The following TMEM62 variants were observed in gnomAD, a reference collection of about 807,000 sequenced individuals.
The protein encoded by TMEM62 is transmembrane protein 62.
In TMEM62, 41 loss-of-function variants were observed where a neutral mutation model predicts 70.4. That is an observed-to-expected ratio of 0.58 (90% CI 0.45 to 0.76). The LOEUF is 0.76. Ranked by LOEUF, TMEM62 falls within the 30% of genes least tolerant of loss-of-function variation. The pLI is 0.00. For synonymous variants in TMEM62, 268 were observed against 291.0 expected (o/e 0.92, Z 0.80); for missense variants, 688 against 788.5 (o/e 0.87, Z 1.53).
intron 8 of TMEM62, among the ~76,000 whole-genome samples, chr15:43,152,295 A>C (rs1200785248): frequency 1.3e-5 from 2 of 152,152 alleles, no homozygotes; most frequent in African/African-American, 2.4e-5. Flanking sequence ...TTATATATCA[A>C]ATTTTTTTTC....
intron 3 of TMEM62, chr15:43,135,907 C>G (rs2035168509): frequency 1.0e-5 from 3 of 297,670 alleles, no homozygotes; most frequent in Middle Eastern, 1.0e-3. Context: ...ACTTTAAGTT[C>G]TGGGATACAT....
chr15:43,177,001 T>C (rs1325778367), intron 11 of TMEM62, among the ~76,000 whole-genome samples: 2 of 152,030 alleles, frequency 1.3e-5, no homozygotes, highest in Non-Finnish European at 1.5e-5. Flanking sequence ...AAGGAGCTGA[T>C]GGAGCTGAAA....
At chr15:43,168,517 G>T (rs2039839937) in intron 10 of TMEM62, among the ~76,000 whole-genome samples, 1 of 152,212 alleles carries the variant, frequency 6.6e-6, no homozygotes, top group African/African-American at 2.4e-5. Flanking sequence ...TGCCATCCAG[G>T]AGTGAGGGCC....
At chr15:43,135,489 T>A (rs2035084638) in intron 2 of TMEM62, 23 bp from the exon 3 acceptor site, 1 of 1,571,392 alleles carries the variant, frequency 6.4e-7, no homozygotes. Flanking sequence ...GCATTGTGAT[T>A]CAATTCTTGT....
At position 43,148,845 on chromosome 15, in the gene TMEM62, CT is replaced by C; in HGVS notation, c.712del (p.Ser238LeufsTer9). On this transcript the variant is annotated frameshift_variant, in exon 6 of 14. Transcript: ENST00000260403. LOFTEE classifies it high-confidence loss of function. ...TGGACACTTTACAACATCCACTATTCTTTCTCCATCACCAGGAATCCGGTCA... is the reference window on the plus strand; with the variant it reads ...TGGACACTTTACAACATCCACTATTCTTCTCCATCACCAGGAATCCGGTCA... ...WFGHFTTSTILSPSPGIRSIM... is the reference protein window; with the variant it reads ...WFGHFTTSTIXSPSPGIRSIM... 1 of 1,613,950 alleles carries C rather than the reference CT, an allele frequency of 6.2e-7. No homozygotes were observed. Among genetic ancestry groups the C allele is most frequent in the Non-Finnish European group, 8.5e-7 (1 of 1,179,980 alleles).
intron 13 of TMEM62, among the ~76,000 whole-genome samples, chr15:43,182,136 C>A (rs2041390911): frequency 6.6e-6 from 1 of 152,146 alleles, no homozygotes; most frequent in Non-Finnish European, 1.5e-5. Flanking sequence ...AAAATAAACA[C>A]ACAAAGAACC....
At chr15:43,165,681 C>T (rs898637251) in intron 10 of TMEM62, among the ~76,000 whole-genome samples, 2 of 150,852 alleles carry the variant, frequency 1.3e-5, no homozygotes, top group Admixed American at 6.6e-5. Flanking sequence ...TGTAGTGAGC[C>T]AAGATTGCGC....
At chr15:43,133,464 C>T (rs2141407850), upstream of TMEM62, 1 of 236,790 alleles carries the variant, frequency 4.2e-6, no homozygotes, top group South Asian at 1.7e-4. Flanking sequence ...GGACTCTAGC[C>T]CCCGCCTCCC....
At chr15:43,177,628 T>A (rs1181897779) in intron 11 of TMEM62, among the ~76,000 whole-genome samples, 1 of 152,024 alleles carries the variant, frequency 6.6e-6, no homozygotes, top group African/African-American at 2.4e-5. Flanking sequence ...TAGACTGGAT[T>A]AAGAAAATGT....
upstream of TMEM62, chr15:43,133,149 C>G (rs1474084963): frequency 1.3e-5 from 2 of 152,130 alleles, no homozygotes; most frequent in African/African-American, 4.8e-5. Context: ...CTGCAGTGAG[C>G]CATGATCGCG....
rs1462534135 is a variant in TMEM62 at position 43,178,657 on chromosome 15, A to G, written c.1432A>G (p.Lys478Glu). 6 of 1,613,334 alleles carry G rather than the reference A, an allele frequency of 3.7e-6. No individual in the cohort carries two copies. The highest frequency in any genetic ancestry group is 5.1e-6 in the Non-Finnish European group (6 of 1,179,478). Residue 478 changes from lysine to glutamate, a missense_variant, in exon 12 of 14, where the codon AAA (lysine) becomes GAA (glutamate). Coordinates refer to ENST00000260403, the MANE Select transcript of TMEM62 (RefSeq NM_024956.4). ...CTCATTTTCTCTTCATGTCTTGAGC[A>G]AAATAAACATCTTCTACTATTCTGT... ...LTSFSLHVLS[K>E]INIFYYSVLL...
intron 11 of TMEM62, 79 bp from the exon 12 acceptor site, chr15:43,178,528 T>G: frequency 1.1e-6 from 1 of 877,850 alleles, no homozygotes; most frequent in Non-Finnish European, 1.8e-6. Context: ...AGATAGCCCA[T>G]GAAAATCTTC....
At chr15:43,166,819 T>C (rs1596314411) in intron 10 of TMEM62, among the ~76,000 whole-genome samples, 1 of 152,202 alleles carries the variant, frequency 6.6e-6, no homozygotes, top group Non-Finnish European at 1.5e-5. Context: ...CCTGAGTGGA[T>C]ACACCACATG....
intron 5 of TMEM62, among the ~76,000 whole-genome samples, chr15:43,147,175 G>A (rs1017574365): frequency 2.6e-5 from 4 of 152,050 alleles, no homozygotes; most frequent in Admixed American, 2.0e-4. Flanking sequence ...TGTTGGCCAG[G>A]GTGGTCTCGA....
At chr15:43,141,686 G>T (rs778888351) in intron 4 of TMEM62, among the ~76,000 whole-genome samples, 10 of 152,214 alleles carry the variant, frequency 6.6e-5, no homozygotes, top group Non-Finnish European at 1.3e-4. Flanking sequence ...TCCTCTGATG[G>T]ATGTGGGCAG....
rs1305203437 is a variant in TMEM62 at position 43,151,684 on chromosome 15, G to A, written c.867-106G>A. On this transcript the variant is annotated intron_variant, in intron 7 of 13. Transcript: ENST00000260403. ...CTTAATCTGTATTCAAATTAATCAT[G>A]TAAAAAAGTCCTAGTTATGTATTTT... The A allele has an allele frequency of 3.2e-6, 3 of 949,972 alleles. No individual in the cohort carries two copies. The African/African-American group carries it at 5.0e-5, about 16-fold the overall frequency. 58.8% of individuals were successfully genotyped at this position (949,972 alleles called of 1,614,324 possible). A position where few individuals can be genotyped will look rare whatever the true frequency, so the allele number is the denominator to read the frequency against.
chr15:43,135,456 T>A (rs1427640222), intron 2 of TMEM62, 56 bp from the exon 3 acceptor site: 14 of 1,526,386 alleles, frequency 9.2e-6, no homozygotes, highest in Admixed American at 2.5e-5. Context: ...CTAAAAAAAA[T>A]GGAACCCCCA....
At chr15:43,173,100 C>T (rs896326760) in intron 11 of TMEM62, among the ~76,000 whole-genome samples, 1 of 152,112 alleles carries the variant, frequency 6.6e-6, no homozygotes, top group Non-Finnish European at 1.5e-5. Context: ...TGGTGGCATG[C>T]ACCTGTAATC....
intron 13 of TMEM62, 124 bp from the exon 14 acceptor site, chr15:43,184,136 T>G: frequency 1.2e-6 from 1 of 822,026 alleles, no homozygotes; most frequent in South Asian, 1.8e-5. Context: ...GCAACTGTGC[T>G]TGAAGTAAAT....
Sources: gnomAD v4.1 joint callset for allele counts (sites outside exome capture counted in the v4.1 genomes callset) on GRCh38, gnomAD v4.1.1 for gene constraint, MANE v1.5 for transcripts, NCBI Gene and HGNC (gene_info 2026-07-23, HGNC 2026-07-21) for gene names.